ABLIM1: variants seen among roughly 807,000 people sequenced by gnomAD.
ABLIM1 encodes the protein actin binding LIM protein 1.
A neutral mutation model predicts 107.0 loss-of-function variants in ABLIM1; 40 were observed. The ratio of observed to expected loss-of-function variants is 0.37; its 90% CI spans 0.29 to 0.49. The LOEUF (loss-of-function observed/expected upper bound fraction) is 0.49. Ranked by LOEUF, ABLIM1 falls within the 20% of genes least tolerant of loss-of-function variation. ABLIM1 has a pLI of 0.97. For synonymous variants in ABLIM1, 357 were observed against 357.3 expected, an observed-to-expected ratio of 1.00 and a Z score of 0.01; for missense variants, 857 against 1,008.5, an observed-to-expected ratio of 0.85 and a Z score of 2.04.
intron 1 of ABLIM1, among the ~76,000 whole-genome samples, chr10:114,752,275 A>T (rs1013817244): frequency 6.6e-6 from 1 of 152,178 alleles, no homozygotes; most frequent in Non-Finnish European, 1.5e-5. Context: ...CAGCTGGAAG[A>T]GAAGAGCTCA....
intron 1 of ABLIM1, among the ~76,000 whole-genome samples, chr10:114,665,562 T>C (rs966434715): frequency 1.4e-4 from 22 of 152,234 alleles, no homozygotes; most frequent in African/African-American, 3.9e-4. Context: ...TTTAGAGAGA[T>C]AACATGGCAT....
intron 1 of ABLIM1, among the ~76,000 whole-genome samples, chr10:114,704,290 CTCTCTCTCTCTCTATATATA>C (rs2081365776): frequency 1.1e-4 from 3 of 26,852 alleles, no homozygotes; most frequent in African/African-American, 4.3e-4. Flanking sequence ...CTCTCTCTCT[CTCTCTCTCTCTCTATATATA>C]TATATATATA....
intron 1 of ABLIM1, among the ~76,000 whole-genome samples, chr10:114,648,529 T>A (rs890665345): frequency 1.3e-5 from 2 of 152,134 alleles, no homozygotes; most frequent in Non-Finnish European, 2.9e-5. Context: ...CTGAGGAATG[T>A]GAGTCATCAG....
chr10:114,798,377 T>C, the ABLIM1 span, among the ~76,000 whole-genome samples: 4 of 151,648 alleles, frequency 2.6e-5, no homozygotes, highest in African/African-American at 7.3e-5. Flanking sequence ...TGAGCCAAGA[T>C]TGCACCACTT....
chr10:114,494,934 C>T (rs937272676), intron 6 of ABLIM1, among the ~76,000 whole-genome samples: 2 of 152,194 alleles, frequency 1.3e-5, no homozygotes, highest in Middle Eastern at 3.2e-3. Flanking sequence ...TATTGCCTGG[C>T]ACCATGTTAA....
chr10:114,474,043 C>A (rs2067092285), intron 8 of ABLIM1, 87 bp from the exon 9 acceptor site: 7 of 973,406 alleles, frequency 7.2e-6, no homozygotes, highest in Admixed American at 4.6e-5. Flanking sequence ...ACTAAAAACT[C>A]AGCTAGTGAA....
intron 10 of ABLIM1, among the ~76,000 whole-genome samples, chr10:114,468,495 C>T (rs1163880558): frequency 6.6e-6 from 1 of 152,042 alleles, no homozygotes; most frequent in Non-Finnish European, 1.5e-5. Flanking sequence ...AGGATGGTCT[C>T]TATCTTCTGA....
At chr10:114,794,239 C>T in the ABLIM1 span, among the ~76,000 whole-genome samples, 1 of 152,214 alleles carries the variant, frequency 6.6e-6, no homozygotes, top group Non-Finnish European at 1.5e-5. Flanking sequence ...TATCCTCTTA[C>T]CCTGCTTCAT....
At chr10:114,565,541 C>T (rs1373548791) in intron 4 of ABLIM1, among the ~76,000 whole-genome samples, 1 of 152,064 alleles carries the variant, frequency 6.6e-6, no homozygotes, top group African/African-American at 2.4e-5. Flanking sequence ...AAAGAGGTTG[C>T]TAGTAAGTGG....
At position 114,510,642 on chromosome 10, in the gene ABLIM1, T is replaced by C. The variant is rs376658236; in HGVS notation, c.895-18764A>G. On this transcript the variant is annotated intron_variant, in intron 6 of 22. Coordinates refer to ENST00000533213, the MANE Select transcript of ABLIM1 (RefSeq NM_002313.7). ...CTACCTTCTCTAGGGATTTTATTTT[T>C]ATTTTATTTTATTATTTTTTTTTTT... Among the ~76,000 whole-genome samples the C allele has an allele frequency of 4.8e-5, 6 of 125,430 alleles. No homozygotes were observed. The South Asian group carries it at 1.5e-3, about 32-fold the overall frequency. The allele number at this position is 125,430 out of a possible 152,430, so 82.3% of individuals were successfully genotyped here. A position where few individuals can be genotyped will look rare whatever the true frequency, so the allele number is the denominator to read the frequency against.
At chr10:114,452,733 G>A (rs919274329) in intron 13 of ABLIM1, among the ~76,000 whole-genome samples, 1 of 152,084 alleles carries the variant, frequency 6.6e-6, no homozygotes, top group African/African-American at 2.4e-5. Context: ...ATATTAATGG[G>A]CTCTGATTAT....
chr10:114,586,266 T>C (rs562273102), intron 2 of ABLIM1, among the ~76,000 whole-genome samples: 8 of 152,162 alleles, frequency 5.3e-5, no homozygotes, highest in African/African-American at 1.9e-4. Context: ...CAATTTCCAT[T>C]CACATGTGCT....
At position 114,465,793 on chromosome 10, in the gene ABLIM1, C is replaced by T. The variant is rs777817696; in HGVS notation, c.1346G>A (p.Arg449Gln). 28 of 1,613,948 alleles carry T rather than the reference C, an allele frequency of 1.7e-5. No homozygotes were observed. Among genetic ancestry groups the T allele is most frequent in the African/African-American group, 5.3e-5 (4 of 74,882 alleles). The change falls in exon 12 of 23, where the codon CGG becomes CAG. Residue 449 changes from arginine to glutamine, a missense_variant. By Grantham distance (43) the Arg-to-Gln change is conservative. Transcript: ENST00000533213. Reference protein sequence around the residue: ...YQDVRDRMIHRSTSQGSINSP... With the variant: ...YQDVRDRMIHQSTSQGSINSP... ...GTTGATGGAGCCCTGGCTCGTGGAC[C>T]GATGGATCATCCGATCCCGAACATC...
At chr10:114,780,412 T>C in the ABLIM1 span, among the ~76,000 whole-genome samples, 1 of 152,200 alleles carries the variant, frequency 6.6e-6, no homozygotes, top group African/African-American at 2.4e-5. Context: ...AGTTTGGCTT[T>C]ATAGACAAAA....
At chr10:114,754,800 T>C (rs1478605768) in intron 1 of ABLIM1, among the ~76,000 whole-genome samples, 1 of 151,974 alleles carries the variant, frequency 6.6e-6, no homozygotes, top group East Asian at 1.9e-4. Context: ...GATAAACGAG[T>C]TAATTAAGCT....
chr10:114,534,195 C>G (rs1315187521), intron 6 of ABLIM1, among the ~76,000 whole-genome samples: 1 of 152,038 alleles, frequency 6.6e-6, no homozygotes, highest in East Asian at 1.9e-4. Context: ...GGGATGGGAG[C>G]TGGGAGGGAA....
At chr10:114,634,960 T>G (rs1182330279) in intron 1 of ABLIM1, among the ~76,000 whole-genome samples, 1 of 152,250 alleles carries the variant, frequency 6.6e-6, no homozygotes, top group African/African-American at 2.4e-5. Flanking sequence ...AAGCAAAGCA[T>G]AGACATTTTC....
At position 114,718,258 on chromosome 10, in the gene ABLIM1, A is replaced by C. The variant is rs957558265; in HGVS notation, c.-213+49803T>G. Among the ~76,000 whole-genome samples the C allele has an allele frequency of 7.9e-5, 12 of 152,214 alleles. No homozygotes were observed. In the East Asian group the frequency reaches 2.3e-3, roughly 29 times the overall value. On this transcript the variant is annotated intron_variant, in intron 1 of 15. Coordinates refer to the ABLIM1 transcript ENST00000651092. ...AGATGGTGGAAAAATAAGTATGTAG[A>C]GTGTCCCTTCAAATAAAACTTCCAA... is the stretch of plus-strand genomic sequence containing the variant.
At chr10:114,457,312 C>T (rs2063011079) in intron 12 of ABLIM1, among the ~76,000 whole-genome samples, 1 of 151,996 alleles carries the variant, frequency 6.6e-6, no homozygotes. Flanking sequence ...CTCTGTTGCC[C>T]AGGCTGTAGT....
Sources: allele counts gnomAD v4.1 joint callset (sites outside exome capture counted in the v4.1 genomes callset), GRCh38; gene constraint gnomAD v4.1.1; transcripts MANE v1.5; gene names NCBI Gene and HGNC (gene_info 2026-07-23, HGNC 2026-07-21).